The following PPIL2 variants were observed in gnomAD, a reference collection of about 807,000 sequenced individuals.
PPIL2 encodes the protein peptidylprolyl isomerase like 2.
A neutral mutation model predicts 75.2 loss-of-function variants in PPIL2; 50 were observed. The observed-to-expected ratio is 0.66, with a 90% CI of 0.53 to 0.84. The LOEUF is 0.84. Among genes scored for constraint, PPIL2 ranks in the 40% least tolerant of loss-of-function variants. The pLI, the probability that PPIL2 is intolerant of heterozygous loss-of-function variation, is 0.00. For synonymous variants in PPIL2, 245 were observed against 258.8 expected (o/e 0.95, Z 0.51); for missense variants, 590 against 685.0 (o/e 0.86, Z 1.55).
At position 21,692,396 on chromosome 22, in the gene PPIL2, C is replaced by CATCT. The variant is rs1239812427; in HGVS notation, c.1140-1420_1140-1419insATCT. On this transcript the variant is annotated intron_variant, in intron 15 of 19. Coordinates refer to ENST00000398831, the MANE Select transcript of PPIL2 (RefSeq NM_014337.4). ...GTCTCGATCTCCTGACCTTGTGATC[C>CATCT]GCCCACCTTGGCCTCCCAAAGTGCT... Among the ~76,000 whole-genome samples, 862 of 151,386 alleles carry CATCT rather than the reference C, an allele frequency of 5.7e-3. 18 individuals carry two copies. Among genetic ancestry groups the CATCT allele is most frequent in the Admixed American group, 0.029 (444 of 15,114 alleles).
intron 8 of PPIL2, 42 bp downstream of exon 8, chr22:21,682,568 C>T: frequency 6.8e-7 from 1 of 1,476,436 alleles, no homozygotes; most frequent in Non-Finnish European, 9.2e-7. Context: ...CCTTCAGCAC[C>T]TGCAGCCAGC....
chr22:21,669,833 A>C (rs1359172032), intron 1 of PPIL2, 80 bp from the exon 2 acceptor site: 2 of 1,417,072 alleles, frequency 1.4e-6, no homozygotes, highest in Non-Finnish European at 2.0e-6. Flanking sequence ...TTGCTGAGTA[A>C]GCAAAGATTA....
chr22:21,684,466 A>AAG (rs1569033607), intron 9 of PPIL2, among the ~76,000 whole-genome samples: 2 of 149,224 alleles, frequency 1.3e-5, no homozygotes, highest in African/African-American at 4.9e-5. Flanking sequence ...AAAAAAAAAA[A>AAG]AAAAAAAAAG....
At chr22:21,688,174 G>C in intron 14 of PPIL2, 68 bp downstream of exon 14, 3 of 1,587,392 alleles carry the variant, frequency 1.9e-6, no homozygotes, top group Non-Finnish European at 2.6e-6. Context: ...GGGGTAGCTG[G>C]GCAGGGGTTG....
At chr22:21,690,375 C>G (rs1384017234) in intron 15 of PPIL2, among the ~76,000 whole-genome samples, 1 of 148,454 alleles carries the variant, frequency 6.7e-6, no homozygotes, top group African/African-American at 2.6e-5. Context: ...CAGTGAGACC[C>G]TGTCTGGAAA....
At chr22:21,672,571 G>A (rs1235085189) in intron 5 of PPIL2, among the ~76,000 whole-genome samples, 190 bp downstream of exon 5, 4 of 152,162 alleles carry the variant, frequency 2.6e-5, no homozygotes, top group Non-Finnish European at 4.4e-5. Flanking sequence ...GCCTGTGCAC[G>A]TGTATATATG....
chr22:21,699,844 C>T (rs942763323), downstream of PPIL2: 1 of 152,620 alleles, frequency 6.6e-6, no homozygotes, highest in Non-Finnish European at 1.5e-5. Flanking sequence ...TGCCTGACAC[C>T]TAAGCTGCTG....
At chr22:21,693,642 G>A (rs1601601474) in intron 15 of PPIL2, among the ~76,000 whole-genome samples, 174 bp from the exon 16 acceptor site, 1 of 152,242 alleles carries the variant, frequency 6.6e-6, no homozygotes, top group African/African-American at 2.4e-5. Context: ...CAGCCTTGGG[G>A]GCTAATGACC....
intron 6 of PPIL2, among the ~76,000 whole-genome samples, chr22:21,679,958 G>T (rs1669117): frequency 6.6e-6 from 1 of 151,782 alleles, no homozygotes; most frequent in South Asian, 2.1e-4. Flanking sequence ...GCATGGTGGC[G>T]GGCGCCTGTA....
At chr22:21,672,945 G>A (rs1482663370) in intron 5 of PPIL2, among the ~76,000 whole-genome samples, 1 of 152,214 alleles carries the variant, frequency 6.6e-6, no homozygotes, top group East Asian at 1.9e-4. Context: ...AGCAGGAGAA[G>A]CTGGCAGCCC....
chr22:21,692,298 G>A (rs1175322085), intron 15 of PPIL2, among the ~76,000 whole-genome samples: 1 of 151,980 alleles, frequency 6.6e-6, no homozygotes, highest in Non-Finnish European at 1.5e-5. Flanking sequence ...TGGGACTACA[G>A]GCGCCCGCCA....
chr22:21,688,021 G>A lies in PPIL2; in HGVS notation c.988-52G>A, dbSNP rs371129814. The stretch of plus-strand genomic sequence containing the variant: ...GGGGTGTCCTTCAGTCAGGCAGGCG[G>A]TGGGCCTCGGGTCTCAGAGTGTGAC... On this transcript the variant is annotated intron_variant, in intron 13 of 19. Transcript: ENST00000398831. The A allele has an allele frequency of 8.7e-6, 14 of 1,612,218 alleles. No homozygotes were observed. In the African/African-American group the frequency reaches 1.5e-4, roughly 17 times the overall value.
At chr22:21,670,262 A>C in intron 2 of PPIL2, 1 of 1,342,912 alleles carries the variant, frequency 7.4e-7, no homozygotes, top group South Asian at 1.4e-5. Context: ...TTCTCTATCA[A>C]GTTTATAAGG....
chr22:21,696,022 T>C lies in PPIL2; in HGVS notation c.*532T>C, dbSNP rs2067914991. On this transcript the variant is annotated 3_prime_UTR_variant, in exon 20 of 20. Coordinates refer to ENST00000398831, the MANE Select transcript of PPIL2 (RefSeq NM_014337.4). ...GGTTTTCTTACCCCTACTTCTGTCA[T>C]CTTCTCAGGGACAGCCTATTTATAC... 1 of 564,082 alleles carries C rather than the reference T, an allele frequency of 1.8e-6. No homozygotes were observed. Among genetic ancestry groups the C allele is most frequent in the Non-Finnish European group, 2.3e-6 (1 of 439,646 alleles). The allele number at this position is 564,082 out of a possible 1,614,324, so 34.9% of individuals were successfully genotyped here. A position where few individuals can be genotyped will look rare whatever the true frequency, so the allele number is the denominator to read the frequency against.
chr22:21,697,184 G>GGGGCACAGTA lies in PPIL2; in HGVS notation c.*1697_*1706dup. 1.6e-6 allele frequency: 1 copy of GGGGCACAGTA among 617,898 alleles called. No individual in the cohort carries two copies. The highest frequency in any genetic ancestry group is 2.8e-6 in the Non-Finnish European group (1 of 355,640). 38.3% of individuals were successfully genotyped at this position (617,898 alleles called of 1,614,324 possible). ...GACACCAAGCTGGGCCTGCAGAGGA[G>GGGGCACAGTA]GGGCACAGTAGGACACAGTGACTGC... On this transcript the variant is annotated 3_prime_UTR_variant, in exon 20 of 20. Transcript: ENST00000398831.
At chr22:21,670,201 AAAAT>A (rs1248698788) in intron 2 of PPIL2, 1 of 1,062,742 alleles carries the variant, frequency 9.4e-7, no homozygotes, top group Non-Finnish European at 1.3e-6. Context: ...AGCTAAGTAA[AAAAT>A]AAATAAGTAA....
In PPIL2 at chr22:21,681,245, G is replaced by C. The variant is rs995232037; in HGVS notation, c.296-54G>C. The C allele has an allele frequency of 3.5e-6, 5 of 1,443,202 alleles. No homozygotes were observed. The African/African-American group carries it at 7.0e-5, about 20-fold the overall frequency. 89.4% of individuals were successfully genotyped at this position (1,443,202 alleles called of 1,614,324 possible). On this transcript the variant is annotated intron_variant, in intron 6 of 19. Transcript: ENST00000398831. ...CCTGGCCCTCTGCGGTCCTCACTGG[G>C]ATGTTCACAGCCCACAGAGGTGACT... is the stretch of plus-strand genomic sequence containing the variant.
At position 21,666,225 on chromosome 22, in the gene PPIL2, T is replaced by TC. The variant is rs1356422706; in HGVS notation, c.32+98dup. The TC allele has an allele frequency of 1.8e-5, 25 of 1,402,046 alleles. No homozygotes were observed. The Admixed American group carries it at 3.0e-4, about 17-fold the overall frequency. 86.9% of individuals were successfully genotyped at this position (1,402,046 alleles called of 1,614,324 possible). On this transcript the variant is annotated intron_variant, in intron 1 of 19. Transcript: ENST00000398831. Reference sequence around the variant, plus strand: ...GCCGCTCGCCTTCCCTCTCAGCTACTCCCCAGAGCACAGCCCAAAGGTCAC... The same window carrying TC: ...GCCGCTCGCCTTCCCTCTCAGCTACTCCCCCAGAGCACAGCCCAAAGGTCAC...
chr22:21,673,591 T>C (rs2066719793), intron 5 of PPIL2: 2 of 152,370 alleles, frequency 1.3e-5, no homozygotes, highest in Admixed American at 1.3e-4. Flanking sequence ...TTAGCCACGC[T>C]GTTAGGGCTT....
Sources: gnomAD v4.1 joint callset for allele counts (sites outside exome capture counted in the v4.1 genomes callset) on GRCh38, gnomAD v4.1.1 for gene constraint, MANE v1.5 for transcripts, NCBI Gene and HGNC (gene_info 2026-07-23, HGNC 2026-07-21) for gene names.